The following ZNF445 variants were observed in gnomAD, a reference collection of about 807,000 sequenced individuals.
The protein encoded by ZNF445 is zinc finger protein 445.
A neutral mutation model predicts 93.9 loss-of-function variants in ZNF445; 19 were observed. That is an observed-to-expected ratio of 0.20 (90% CI 0.14 to 0.30). The LOEUF (loss-of-function observed/expected upper bound fraction) is 0.30. ZNF445 is among the 10% of genes least tolerant of loss of function. ZNF445 has a pLI of 1.00. For missense variants in ZNF445, 1,058 were observed against 1,259.4 expected (o/e 0.84, Z 2.42); for synonymous variants, 449 against 446.3 (o/e 1.01, Z -0.08).
Position 44,455,308 on chromosome 3 carries a change from C to G in ZNF445, c.242G>C (p.Arg81Pro). The G allele has an allele frequency of 6.2e-7, 1 of 1,614,026 alleles. No homozygotes were observed. The highest frequency in any genetic ancestry group is 8.5e-7 in the Non-Finnish European group (1 of 1,179,914). The change falls in exon 3 of 8, where the codon CGC (arginine) becomes CCC (proline). Residue 81 changes from arginine to proline, a missense_variant. Transcript: ENST00000396077. ...ETLSRLRELC[R>P]WWLRPDVLSK... The stretch of plus-strand genomic sequence containing the variant: ...GAGAACGTCAGGCCTCAGCCACCAG[C>G]GACAGAGTTCCCGGAGCCGGCTCAG...
rs1697620319 is a variant in ZNF445 at position 44,434,026 on chromosome 3, A to C, written c.*12549T>G. On this transcript the variant is annotated 3_prime_UTR_variant, in exon 8 of 8. Coordinates refer to ENST00000396077, the MANE Select transcript of ZNF445 (RefSeq NM_181489.6). Reference sequence around the variant, plus strand: ...TTGGAAAACAGTTTGGCATTTCCCCAAAATGTTAAATGTGGAATTATGTGA... The same window carrying C: ...TTGGAAAACAGTTTGGCATTTCCCCCAAATGTTAAATGTGGAATTATGTGA... The C allele has an allele frequency of 6.6e-6, 1 of 152,184 alleles. No homozygotes were observed. The allele number at this position is 152,184 out of a possible 1,614,324, so 9.4% of individuals were successfully genotyped here.
chr3:44,468,437 C>T (rs1698222011), intron 1 of ZNF445, among the ~76,000 whole-genome samples: 1 of 152,196 alleles, frequency 6.6e-6, no homozygotes, highest in Non-Finnish European at 1.5e-5. Context: ...TTTCCCAAAG[C>T]AGATCTCCTT....
rs1319527488 is a variant in ZNF445 at position 44,442,812 on chromosome 3, G to A, written c.*3763C>T. On this transcript the variant is annotated 3_prime_UTR_variant, in exon 8 of 8. Transcript: ENST00000396077. ...CCACAGCCGGGTTCCTAACCAGCAG[G>A]TGTGTGTTTGTGGGTGGCTTCCAGT... The A allele has an allele frequency of 1.3e-5, 2 of 152,150 alleles. No individual in the cohort carries two copies. The highest frequency in any genetic ancestry group is 4.8e-5 in the African/African-American group (2 of 41,422). The allele number at this position is 152,150 out of a possible 1,614,324, so 9.4% of individuals were successfully genotyped here.
At position 44,447,413 on chromosome 3, in the gene ZNF445, T is replaced by A; in HGVS notation, c.2258A>T (p.Gln753Leu). 1 of 1,614,212 alleles carries A rather than the reference T, an allele frequency of 6.2e-7. No homozygotes were observed. The highest frequency in any genetic ancestry group is 1.1e-5 in the South Asian group (1 of 91,088). ...GGGCTCCTCTTTGGAGTGACTGCTC[T>A]GAGGAACCTGGAACACTGTGTCCTG... ...FSQDTVFQVPQSSHSKEEPYK... is the reference protein window; with the variant it reads ...FSQDTVFQVPLSSHSKEEPYK... Residue 753 changes from glutamine (Q) to leucine (L), a missense_variant, in exon 8 of 8, where the codon CAG becomes CTG. By Grantham distance (113) the Gln-to-Leu change is moderately radical (BLOSUM62 -2). Around this residue, in one of 3 missense-constraint regions of ZNF445, gnomAD observed 387 missense variants for 475.7 expected, o/e 0.81. Transcript: ENST00000396077. The surrounding 1 kb of genome is among the most constrained non-coding windows in gnomAD (Gnocchi z 4.7).
In ZNF445 at chr3:44,438,209, G is replaced by C. The variant is rs974750575; in HGVS notation, c.*8366C>G. The C allele has an allele frequency of 6.6e-6, 1 of 151,642 alleles. No homozygotes were observed. The highest frequency in any genetic ancestry group is 1.5e-5 in the Non-Finnish European group (1 of 68,008). 9.4% of individuals were successfully genotyped at this position (151,642 alleles called of 1,614,324 possible). ...AAGTTTCACTCTGTCGCCCAGGCTG[G>C]AGTGCAGTTGTGCGATCTCGGCTCA... On this transcript the variant is annotated 3_prime_UTR_variant, in exon 8 of 8. Transcript: ENST00000396077.
rs1314239668 is a variant in ZNF445 at position 44,434,692 on chromosome 3, T to A, written c.*11883A>T. 1 of 152,152 alleles carries A rather than the reference T, an allele frequency of 6.6e-6. No homozygotes were observed. Among genetic ancestry groups the A allele is most frequent in the Admixed American group, 6.5e-5 (1 of 15,276 alleles). 9.4% of individuals were successfully genotyped at this position (152,152 alleles called of 1,614,324 possible). The stretch of plus-strand genomic sequence containing the variant: ...ATAGGGTGGTGAAGGTGTATCTAGC[T>A]GAAAGCAAACTGTTCCTGATGGTCT... On this transcript the variant is annotated 3_prime_UTR_variant, in exon 8 of 8. Transcript: ENST00000396077.
chr3:44,452,975 G>A (rs568272074), intron 3 of ZNF445, among the ~76,000 whole-genome samples: 11 of 149,294 alleles, frequency 7.4e-5, no homozygotes, highest in South Asian at 4.2e-4. Context: ...GTGCAGTGGC[G>A]TGATCTCGGC....
intron 1 of ZNF445, among the ~76,000 whole-genome samples, chr3:44,468,900 A>G (rs1389381941): frequency 6.6e-6 from 1 of 151,812 alleles, no homozygotes; most frequent in Admixed American, 6.6e-5. Context: ...CTCTATTGCA[A>G]TTCCCATCTT....
chr3:44,454,084 G>A (rs1029322412), intron 3 of ZNF445, among the ~76,000 whole-genome samples: 7 of 151,892 alleles, frequency 4.6e-5, no homozygotes, highest in East Asian at 1.9e-4. Context: ...AGGCCAAGGC[G>A]GATGGATCAC....
chr3:44,456,315 G>A (rs2125681128), intron 2 of ZNF445, among the ~76,000 whole-genome samples: 1 of 152,292 alleles, frequency 6.6e-6, no homozygotes, highest in South Asian at 2.1e-4. Flanking sequence ...TACTCAGGAA[G>A]CTGAGGCACA....
rs756099895 is a variant in ZNF445 at position 44,455,488 on chromosome 3, C to T, written c.62G>A (p.Gly21Glu). The T allele has an allele frequency of 3.3e-5, 54 of 1,613,126 alleles. No individual in the cohort carries two copies. Among genetic ancestry groups the T allele is most frequent in the Admixed American group, 5.0e-5 (3 of 59,934 alleles). ...TTCCTTCTTTACTGTCTGAAGCCGCCCTCGCTCCCTCGAAGACTGGGCCTG... is the reference window on the plus strand; with the variant it reads ...TTCCTTCTTTACTGTCTGAAGCCGCTCTCGCTCCCTCGAAGACTGGGCCTG... ...PAQAQSSRER[G>E]RLQTVKKEEE... Residue 21 changes from glycine (G) to glutamate (E), a missense_variant, in exon 3 of 8, where the codon GGG becomes GAG. Gly to Glu is a moderately conservative substitution (Grantham distance 98, BLOSUM62 -2). Around this residue, in one of 3 missense-constraint regions of ZNF445, gnomAD observed 657 missense variants for 746.4 expected, o/e 0.88. Coordinates refer to ENST00000396077, the MANE Select transcript of ZNF445 (RefSeq NM_181489.6).
At position 44,447,363 on chromosome 3, in the gene ZNF445, C is replaced by T. The variant is rs746851633; in HGVS notation, c.2308G>A (p.Ala770Thr). Reference sequence around the variant, plus strand: ...AGGAGGAATGAGTGATTGCGGAAGGCCTTGCCACACTGGCTGCATTTGTAG... The same window carrying T: ...AGGAGGAATGAGTGATTGCGGAAGGTCTTGCCACACTGGCTGCATTTGTAG... ...EPYKCSQCGK[A>T]FRNHSFLLIH... Residue 770 changes from alanine to threonine, a missense_variant, in exon 8 of 8, where the codon GCC becomes ACC. Coordinates refer to ENST00000396077, the MANE Select transcript of ZNF445 (RefSeq NM_181489.6). The surrounding 1 kb of genome is among the most constrained non-coding windows in gnomAD (Gnocchi z 4.7). 19 of 1,614,014 alleles carry T rather than the reference C, an allele frequency of 1.2e-5. No homozygotes were observed. Among genetic ancestry groups the T allele is most frequent in the Admixed American group, 1.0e-4 (6 of 59,998 alleles).
intron 3 of ZNF445, among the ~76,000 whole-genome samples, chr3:44,452,519 G>A (rs1697970674): frequency 6.6e-6 from 1 of 152,080 alleles, no homozygotes; most frequent in Admixed American, 6.6e-5. Context: ...AAATTTGAGG[G>A]GCTTCTCCCA....
intron 1 of ZNF445, among the ~76,000 whole-genome samples, chr3:44,473,492 A>ACACAC (rs1559400839): frequency 0.15 from 13,534 of 88,896 alleles, 749 homozygotes; most frequent in Middle Eastern, 0.21. Context: ...CACACACACA[A>ACACAC]AAAATGCTTT....
At position 44,443,905 on chromosome 3, in the gene ZNF445, G is replaced by C. The variant is rs1697844178; in HGVS notation, c.*2670C>G. The C allele has an allele frequency of 6.6e-6, 1 of 152,226 alleles. No homozygotes were observed. The highest frequency in any genetic ancestry group is 1.5e-5 in the Non-Finnish European group (1 of 68,062). The allele number at this position is 152,226 out of a possible 1,614,324, so 9.4% of individuals were successfully genotyped here. A position where few individuals can be genotyped will look rare whatever the true frequency, so the allele number is the denominator to read the frequency against. The stretch of plus-strand genomic sequence containing the variant: ...TGTAATCCCAGCACTTTGGGAGGCA[G>C]AGGTGGGTGGATTGCTTGAGCCCAG... On this transcript the variant is annotated 3_prime_UTR_variant, in exon 8 of 8. Coordinates refer to ENST00000396077, the MANE Select transcript of ZNF445 (RefSeq NM_181489.6).
rs371296657 is a variant in ZNF445 at position 44,451,266 on chromosome 3, C to T, written c.598+48G>A. On this transcript the variant is annotated intron_variant, in intron 4 of 7. Transcript: ENST00000396077. ...TGGAAAGACAACACTACAGGAAATG[C>T]AAGAAGTGTGGCATAAGGCTGGGGT... 1.4e-5 allele frequency: 23 copies of T among 1,593,892 alleles called. No homozygotes were observed. The African/African-American group carries it at 2.9e-4, about 20-fold the overall frequency.
intron 2 of ZNF445, among the ~76,000 whole-genome samples, chr3:44,456,533 T>C (rs1468730558): frequency 1.3e-5 from 2 of 152,358 alleles, no homozygotes; most frequent in African/African-American, 2.4e-5. Flanking sequence ...CTTATAGCTA[T>C]ATTAATCAAT....
At chr3:44,453,577 G>C (rs1697985339) in intron 3 of ZNF445, among the ~76,000 whole-genome samples, 1 of 152,176 alleles carries the variant, frequency 6.6e-6, no homozygotes, top group African/African-American at 2.4e-5. Context: ...CTACAGGAGT[G>C]AGCCACCACG....
rs948234278 is a variant in ZNF445 at position 44,446,698 on chromosome 3, T to G, written c.2973A>C (p.Ser991=). The G allele has an allele frequency of 3.1e-6, 5 of 1,614,234 alleles. No individual in the cohort carries two copies. Among genetic ancestry groups the G allele is most frequent in the Non-Finnish European group, 4.2e-6 (5 of 1,180,050 alleles). Residue 991 remains serine, a synonymous_variant, in exon 8 of 8, where the codon TCA becomes TCC. Coordinates refer to ENST00000396077, the MANE Select transcript of ZNF445 (RefSeq NM_181489.6). This position sits in a 1 kb window ranked among gnomAD's most constrained non-coding sequence, Gnocchi z 4.2. ...GAAATCTCTTGTGGCTAATGAGTTG[T>G]GAACTCTTGTTAAAAGTTTTCCCAC... The part of the protein sequence containing the change: ...SICGKTFNKS[S]QLISHKRFHT...
Sources: allele counts gnomAD v4.1 joint callset (sites outside exome capture counted in the v4.1 genomes callset), GRCh38; gene constraint gnomAD v4.1.1; regional missense constraint gnomAD v4.1.1; non-coding constraint Gnocchi (gnomAD v3.1); transcripts MANE v1.5; gene names NCBI Gene and HGNC (gene_info 2026-07-23, HGNC 2026-07-21).